POLR3B: variants seen among roughly 807,000 people sequenced by gnomAD.
The protein encoded by POLR3B is RNA polymerase III subunit B.
Under a neutral mutation model 147.4 loss-of-function variants are expected in POLR3B, and 96 were observed. The observed-to-expected ratio is 0.65, with a 90% CI of 0.55 to 0.77. The LOEUF is 0.77. Ranked by LOEUF, POLR3B falls within the 30% of genes least tolerant of loss-of-function variation. POLR3B has a pLI of 0.00. For missense variants in POLR3B, 1,036 were observed against 1,413.5 expected (o/e 0.73, Z 4.28); for synonymous variants, 461 against 485.9 (o/e 0.95, Z 0.67).
chr12:106,455,378 A>G (rs1237962446), intron 20 of POLR3B, among the ~76,000 whole-genome samples: 1 of 152,164 alleles, frequency 6.6e-6, no homozygotes, highest in African/African-American at 2.4e-5. Context: ...GTTGCTAGGC[A>G]GCCATAATAG....
chr12:106,498,115 G>A (rs1354028610), intron 25 of POLR3B, among the ~76,000 whole-genome samples: 1 of 152,222 alleles, frequency 6.6e-6, no homozygotes, highest in Non-Finnish European at 1.5e-5. Flanking sequence ...GACAGAGTGG[G>A]TGAGAAGGCC....
chr12:106,407,734 C>CA (rs200531187), intron 11 of POLR3B, among the ~76,000 whole-genome samples: 11,704 of 151,958 alleles, frequency 0.077, 538 homozygotes, highest in Middle Eastern at 0.13. Flanking sequence ...GAGGCTGAGG[C>CA]AGGAGAATCG....
At chr12:106,503,703 A>G (rs531383312) in intron 26 of POLR3B, among the ~76,000 whole-genome samples, 34 of 152,338 alleles carry the variant, frequency 2.2e-4, no homozygotes, top group African/African-American at 7.9e-4. Context: ...CTCTTTGAAA[A>G]TACTTAAAGA....
intron 12 of POLR3B, among the ~76,000 whole-genome samples, chr12:106,414,178 A>G (rs994528773): frequency 6.7e-6 from 1 of 150,206 alleles, no homozygotes; most frequent in Admixed American, 6.7e-5. Context: ...AAATTATGAC[A>G]CAGTGCTAAG....
chr12:106,424,388 A>G (rs1029404730), intron 12 of POLR3B, among the ~76,000 whole-genome samples: 1 of 152,172 alleles, frequency 6.6e-6, no homozygotes, highest in Non-Finnish European at 1.5e-5. Context: ...TGATTCATCC[A>G]TTATTAAGTT....
At chr12:106,413,031 A>G (rs1378256374) in intron 12 of POLR3B, among the ~76,000 whole-genome samples, 8 of 152,116 alleles carry the variant, frequency 5.3e-5, no homozygotes, top group African/African-American at 1.9e-4. Context: ...TTCTGGATAC[A>G]TACATATATC....
chr12:106,403,901 T>C (rs2037110439), intron 10 of POLR3B, among the ~76,000 whole-genome samples: 1 of 151,842 alleles, frequency 6.6e-6, no homozygotes, highest in Admixed American at 6.6e-5. Flanking sequence ...ACATGGCACA[T>C]GTATACATAT....
chr12:106,457,948 A>G (rs1328277610), intron 21 of POLR3B, among the ~76,000 whole-genome samples: 1 of 152,150 alleles, frequency 6.6e-6, no homozygotes, highest in Non-Finnish European at 1.5e-5. Context: ...TAATGAGAAA[A>G]GCTTGTGCAA....
At chr12:106,380,628 A>C (rs1460060233) in intron 9 of POLR3B, among the ~76,000 whole-genome samples, 1 of 152,130 alleles carries the variant, frequency 6.6e-6, no homozygotes, top group Non-Finnish European at 1.5e-5. Context: ...ATGTGCCTAT[A>C]GTTTCAGCTA....
intron 15 of POLR3B, among the ~76,000 whole-genome samples, chr12:106,432,835 T>C (rs756587975): frequency 9.2e-5 from 14 of 152,240 alleles, no homozygotes; most frequent in Non-Finnish European, 2.9e-5. Flanking sequence ...TCAACTCTTA[T>C]AATGAATTGA....
rs559643616 is a variant in POLR3B at position 106,501,116 on chromosome 12, A to G, written c.2985-207A>G. On this transcript the variant is annotated intron_variant, in intron 25 of 27. Coordinates refer to ENST00000228347, the MANE Select transcript of POLR3B (RefSeq NM_018082.6). ...TGTTTCCCAACCTGTTTAAATGTCT[A>G]TTTCTTTGTAAAGCCATTTATCTTT... is the stretch of plus-strand genomic sequence containing the variant. 1.5e-4 allele frequency among the ~76,000 whole-genome samples: 23 copies of G among 152,244 alleles called. No homozygotes were observed. In the South Asian group the frequency reaches 4.1e-3, roughly 27 times the overall value.
chr12:106,496,132 C>A lies in POLR3B; in HGVS notation c.2791C>A (p.Pro931Thr), dbSNP rs373101426. ...SGICPDIIMN[P>T]HGFPSRMTVG... ...CATCTGTCCGGACATCATCATGAAC[C>A]CACACGGCTTCCCATCACGAATGAC... Residue 931 changes from proline to threonine, a missense_variant, in exon 24 of 28, where the codon CCA becomes ACA. Coordinates refer to ENST00000228347, the MANE Select transcript of POLR3B (RefSeq NM_018082.6). 1 of 1,608,570 alleles carries A rather than the reference C, an allele frequency of 6.2e-7. No homozygotes were observed. The highest frequency in any genetic ancestry group is 2.2e-5 in the East Asian group (1 of 44,834).
chr12:106,475,954 C>G (rs1363079244), intron 23 of POLR3B, among the ~76,000 whole-genome samples: 1 of 150,598 alleles, frequency 6.6e-6, no homozygotes, highest in African/African-American at 2.4e-5. Flanking sequence ...GCAGTTTCTT[C>G]CTAGTCTCGA....
At chr12:106,442,101 G>C (rs1165489585) in intron 18 of POLR3B, among the ~76,000 whole-genome samples, 2 of 145,478 alleles carry the variant, frequency 1.4e-5, no homozygotes, top group African/African-American at 5.2e-5. Flanking sequence ...AAGAAAGAAA[G>C]AAAGAAAGAA....
intron 12 of POLR3B, among the ~76,000 whole-genome samples, chr12:106,426,290 C>T (rs1478005754): frequency 2.0e-5 from 3 of 150,988 alleles, no homozygotes; most frequent in African/African-American, 7.3e-5. Flanking sequence ...CTCACTCTGT[C>T]GCTCAGGCTG....
In POLR3B at chr12:106,509,656, TTC is replaced by T. The variant is rs1017840784; in HGVS notation, c.*115_*116del. 9 of 1,060,026 alleles carry T rather than the reference TTC, an allele frequency of 8.5e-6. No homozygotes were observed. The African/African-American group carries it at 9.4e-5, about 11-fold the overall frequency. The allele number at this position is 1,060,026 out of a possible 1,614,324, so 65.7% of individuals were successfully genotyped here. A position where few individuals can be genotyped will look rare whatever the true frequency, so the allele number is the denominator to read the frequency against. On this transcript the variant is annotated 3_prime_UTR_variant, in exon 28 of 28. Transcript: ENST00000228347. ...CTCCTGTGAAGAATTCCCTTGCGTA[TTC>T]TCTCTCTAAAACAACCAAAAAAAAA...
intron 2 of POLR3B, 57 bp downstream of exon 2, chr12:106,363,959 A>G: frequency 2.4e-6 from 3 of 1,275,994 alleles, no homozygotes; most frequent in African/African-American, 1.5e-5. Flanking sequence ...AAGTCAAGAA[A>G]TAAGCCATTT....
chr12:106,437,144 A>C lies in POLR3B; in HGVS notation c.1856+13A>C. On this transcript the variant is annotated intron_variant, in intron 17 of 27. Transcript: ENST00000228347. ...CCCAAGGGTACAGGTAAGTAGCCAA[A>C]AGTAAAACTTACCAATCTCCTTAAT... 6.4e-7 allele frequency: 1 copy of C among 1,570,594 alleles called. No individual in the cohort carries two copies. Among genetic ancestry groups the C allele is most frequent in the South Asian group, 1.1e-5 (1 of 89,870 alleles).
intron 23 of POLR3B, among the ~76,000 whole-genome samples, chr12:106,494,046 G>A (rs2038441281): frequency 6.6e-6 from 1 of 152,074 alleles, no homozygotes; most frequent in African/African-American, 2.4e-5. Flanking sequence ...GTCAGAAGAG[G>A]GCTGATAAGA....
Sources: gnomAD v4.1 joint callset for allele counts (sites outside exome capture counted in the v4.1 genomes callset) on GRCh38, gnomAD v4.1.1 for gene constraint, MANE v1.5 for transcripts, NCBI Gene and HGNC (gene_info 2026-07-23, HGNC 2026-07-21) for gene names.